STX7: variants seen among roughly 807,000 people sequenced by gnomAD.
The protein encoded by STX7 is syntaxin 7, also known as syntaxin-7.
A neutral mutation model predicts 39.6 loss-of-function variants in STX7; 34 were observed. That is an observed-to-expected ratio of 0.86 (90% CI 0.65 to 1.14). The LOEUF (loss-of-function observed/expected upper bound fraction) is 1.14, where lower values mean the gene tolerates loss of function less well. Ranked by LOEUF, STX7 falls within the 50% of genes most tolerant of loss-of-function variation. The pLI is 0.00. For synonymous variants in STX7, 119 were observed against 99.1 expected (o/e 1.20, Z -1.19); for missense variants, 284 against 310.4 (o/e 0.92, Z 0.64).
At chr6:132,477,548 A>G (rs1454351167) in intron 2 of STX7, among the ~76,000 whole-genome samples, 1 of 152,190 alleles carries the variant, frequency 6.6e-6, no homozygotes, top group African/African-American at 2.4e-5. Flanking sequence ...TAATTTAAAT[A>G]GTAAAATTGA....
At chr6:132,472,838 A>G (rs1774766673) in intron 3 of STX7, among the ~76,000 whole-genome samples, 1 of 150,920 alleles carries the variant, frequency 6.6e-6, no homozygotes, top group Non-Finnish European at 1.5e-5. Flanking sequence ...GTGAACATGT[A>G]TATGCTATAG....
At chr6:132,495,178 T>A (rs984672291) in intron 2 of STX7, among the ~76,000 whole-genome samples, 3 of 152,210 alleles carry the variant, frequency 2.0e-5, no homozygotes, top group Admixed American at 2.0e-4. Context: ...AAAGATTTAG[T>A]TCATAAAACA....
At chr6:132,463,937 A>G in intron 9 of STX7, 56 bp downstream of exon 9, 2 of 1,527,752 alleles carry the variant, frequency 1.3e-6, no homozygotes, top group South Asian at 2.2e-5. Flanking sequence ...ACACAAACAC[A>G]CACACACACA....
At chr6:132,472,934 G>T (rs909694054) in intron 3 of STX7, among the ~76,000 whole-genome samples, 3 of 152,180 alleles carry the variant, frequency 2.0e-5, no homozygotes, top group Non-Finnish European at 4.4e-5. Context: ...GAGGCAGGCG[G>T]ATCACTTGAG....
At chr6:132,465,101 G>A (rs1774529301) in intron 8 of STX7, among the ~76,000 whole-genome samples, 1 of 152,072 alleles carries the variant, frequency 6.6e-6, no homozygotes, top group African/African-American at 2.4e-5. Context: ...ACATACTGGT[G>A]ACTTCAAGAT....
chr6:132,490,440 T>C (rs1775250187), intron 2 of STX7, among the ~76,000 whole-genome samples: 1 of 152,212 alleles, frequency 6.6e-6, no homozygotes, highest in Admixed American at 6.5e-5. Context: ...GAAGCATGTT[T>C]CTGAATATTC....
intron 1 of STX7, among the ~76,000 whole-genome samples, chr6:132,504,016 T>G (rs74686425): frequency 0.012 from 1,791 of 152,336 alleles, 15 homozygotes; most frequent in Non-Finnish European, 0.018. Context: ...TAAATATTTA[T>G]TAAATGGAAC....
chr6:132,465,137 TG>T (rs1279094231), intron 8 of STX7, among the ~76,000 whole-genome samples: 1 of 152,194 alleles, frequency 6.6e-6, no homozygotes, highest in Non-Finnish European at 1.5e-5. Flanking sequence ...TCTAACACCC[TG>T]GCCTCACAGT....
intron 1 of STX7, among the ~76,000 whole-genome samples, chr6:132,511,171 C>A (rs1775837672): frequency 6.6e-6 from 1 of 152,258 alleles, no homozygotes; most frequent in East Asian, 1.9e-4. Context: ...AATGAATGTA[C>A]CCACCTCCTA....
chr6:132,463,885 C>T, intron 9 of STX7, 108 bp downstream of exon 9: 2 of 1,016,022 alleles, frequency 2.0e-6, no homozygotes, highest in East Asian at 2.4e-5. Context: ...TAAATTTTAA[C>T]ATCTTCAGCC....
chr6:132,472,750 A>G (rs1774763645), intron 3 of STX7, among the ~76,000 whole-genome samples: 1 of 152,210 alleles, frequency 6.6e-6, no homozygotes, highest in Non-Finnish European at 1.5e-5. Context: ...AAGGTCAGGT[A>G]AGCAAGAAAA....
chr6:132,489,512 G>T (rs1775225048), intron 2 of STX7, among the ~76,000 whole-genome samples: 1 of 152,204 alleles, frequency 6.6e-6, no homozygotes, highest in African/African-American at 2.4e-5. Flanking sequence ...TTCCCCTCTA[G>T]CACTAGTATA....
rs1381417338 is a variant in STX7 at position 132,468,387 on chromosome 6, A to G, written c.610+16T>C. On this transcript the variant is annotated intron_variant, in intron 8 of 9. Transcript: ENST00000367941. ...AGCTTGCTCTCACCTCCAAAATCTA[A>G]GTCAGCAGGTCTTACCTATTACATC... is the stretch of plus-strand genomic sequence containing the variant. 1.2e-6 allele frequency: 2 copies of G among 1,602,908 alleles called. No individual in the cohort carries two copies. The highest frequency in any genetic ancestry group is 8.5e-7 in the Non-Finnish European group (1 of 1,172,418).
chr6:132,503,184 C>T (rs148070248), intron 2 of STX7, among the ~76,000 whole-genome samples: 7 of 152,278 alleles, frequency 4.6e-5, no homozygotes, highest in African/African-American at 1.7e-4. Flanking sequence ...TATAAGAATC[C>T]ATTATCCTTT....
intron 3 of STX7, among the ~76,000 whole-genome samples, chr6:132,473,521 T>TG (rs1774791794): frequency 2.4e-5 from 2 of 81,980 alleles, no homozygotes; most frequent in African/African-American, 1.0e-4. Context: ...TATTGTGTTG[T>TG]TTTTTTTTTT....
rs1775631111 is a variant in STX7 at position 132,503,566 on chromosome 6, T to C, written c.-36A>G. The stretch of plus-strand genomic sequence containing the variant: ...CTTATTCGCTAATTTCATCAGATGC[T>C]GTGCAGTTTTCTAAGCAGTCACCTA... On this transcript the variant is annotated 5_prime_UTR_variant, in exon 2 of 10. Transcript: ENST00000367941. 6.4e-7 allele frequency: 1 copy of C among 1,552,342 alleles called. No individual in the cohort carries two copies. The highest frequency in any genetic ancestry group is 8.9e-7 in the Non-Finnish European group (1 of 1,124,946).
chr6:132,476,461 A>G (rs990782789), intron 2 of STX7, among the ~76,000 whole-genome samples: 1 of 152,142 alleles, frequency 6.6e-6, no homozygotes, highest in Admixed American at 6.5e-5. Flanking sequence ...GGAAAAAAAA[A>G]GTTGACAAAG....
intron 1 of STX7, among the ~76,000 whole-genome samples, chr6:132,507,877 T>C (rs546569128): frequency 4.6e-5 from 7 of 152,234 alleles, no homozygotes; most frequent in Non-Finnish European, 1.0e-4. Flanking sequence ...GGTTCCATTT[T>C]AATCTATACC....
chr6:132,506,163 A>G (rs2114481438), intron 1 of STX7, among the ~76,000 whole-genome samples: 1 of 152,194 alleles, frequency 6.6e-6, no homozygotes, highest in South Asian at 2.1e-4. Flanking sequence ...AAATATAGGG[A>G]AAACTCTTCT....
Sources: gnomAD v4.1 joint callset for allele counts (sites outside exome capture counted in the v4.1 genomes callset) on GRCh38, gnomAD v4.1.1 for gene constraint, MANE v1.5 for transcripts, NCBI Gene and HGNC (gene_info 2026-07-23, HGNC 2026-07-21) for gene names.